EEFSEC: variants seen among roughly 807,000 people sequenced by gnomAD.
EEFSEC encodes selenocysteine-specific elongation factor.
EEFSEC carries 43 observed loss-of-function variants against 42.1 expected under a neutral mutation model. That is an observed-to-expected ratio of 1.02 (90% CI 0.80 to 1.32). The LOEUF is 1.32. EEFSEC is among the 40% of genes most tolerant of loss of function. The pLI, the probability that EEFSEC is intolerant of heterozygous loss-of-function variation, is 0.00. For missense variants in EEFSEC, 745 were observed against 803.6 expected (o/e 0.93, Z 0.88); for synonymous variants, 354 against 339.1 (o/e 1.04, Z -0.48).
intron 6 of EEFSEC, among the ~76,000 whole-genome samples, chr3:128,386,254 T>C (rs2067836520): frequency 6.6e-6 from 1 of 152,152 alleles, no homozygotes; most frequent in South Asian, 2.1e-4. Context: ...GCATGAAATC[T>C]ACCCCAGGGA....
intron 6 of EEFSEC, among the ~76,000 whole-genome samples, chr3:128,371,554 G>A (rs1490765626): frequency 6.6e-6 from 1 of 152,188 alleles, no homozygotes; most frequent in Admixed American, 6.5e-5. Flanking sequence ...TGGTTGGTGT[G>A]CAGGGAGGAA....
chr3:128,421,116 C>T, the EEFSEC span, among the ~76,000 whole-genome samples: 1 of 152,114 alleles, frequency 6.6e-6, no homozygotes. Flanking sequence ...CCCACCTTGT[C>T]CCCGGGGCCT....
intron 1 of EEFSEC, among the ~76,000 whole-genome samples, chr3:128,205,162 C>T (rs560338917): frequency 1.3e-5 from 2 of 152,202 alleles, no homozygotes; most frequent in South Asian, 4.2e-4. Context: ...TTCAGTTATC[C>T]CCTTGTTTAA....
At chr3:128,199,126 C>A (rs1023976447) in intron 1 of EEFSEC, among the ~76,000 whole-genome samples, 11 of 152,226 alleles carry the variant, frequency 7.2e-5, no homozygotes, top group Admixed American at 3.3e-4. Flanking sequence ...GCTACCACAC[C>A]TGGCCTGTGT....
intron 1 of EEFSEC, among the ~76,000 whole-genome samples, chr3:128,186,437 A>G (rs1342626994): frequency 6.6e-6 from 1 of 152,200 alleles, no homozygotes; most frequent in Non-Finnish European, 1.5e-5. Flanking sequence ...GAAACATTCA[A>G]GTTTATTTAT....
At chr3:128,414,837 G>A in the EEFSEC span, among the ~76,000 whole-genome samples, 6,571 of 152,204 alleles carry the variant, frequency 0.043, 481 homozygotes, top group African/African-American at 0.15. Flanking sequence ...GCCCAGGCTC[G>A]GGCAAGAGGG....
At chr3:128,358,706 TGGA>T (rs541833455) in intron 6 of EEFSEC, among the ~76,000 whole-genome samples, 192 of 152,290 alleles carry the variant, frequency 1.3e-3, no homozygotes, top group Middle Eastern at 3.4e-3. Context: ...ACAGGCAGTT[TGGA>T]GAAGAGCAGG....
At chr3:128,203,957 A>G (rs1001863126) in intron 1 of EEFSEC, among the ~76,000 whole-genome samples, 15 of 152,248 alleles carry the variant, frequency 9.9e-5, no homozygotes, top group Non-Finnish European at 2.2e-4. Flanking sequence ...TTATAGGAGT[A>G]TTGTATTAGA....
intron 6 of EEFSEC, among the ~76,000 whole-genome samples, chr3:128,393,894 G>A (rs1234937299): frequency 6.6e-6 from 1 of 152,166 alleles, no homozygotes; most frequent in Non-Finnish European, 1.5e-5. Context: ...GGGCATTGGG[G>A]ACCCATTTGG....
intron 4 of EEFSEC, among the ~76,000 whole-genome samples, chr3:128,319,284 G>A (rs564882336): frequency 8.5e-5 from 13 of 152,302 alleles, no homozygotes; most frequent in Admixed American, 2.6e-4. Flanking sequence ...GGGGACAGCA[G>A]GCTTCAGAGG....
chr3:128,364,564 G>A (rs1051508917), intron 6 of EEFSEC, among the ~76,000 whole-genome samples: 2 of 152,218 alleles, frequency 1.3e-5, no homozygotes, highest in Non-Finnish European at 2.9e-5. Flanking sequence ...CGGGAACCTG[G>A]CCCTCATACC....
chr3:128,307,358 G>A (rs1255905818), intron 4 of EEFSEC, among the ~76,000 whole-genome samples: 2 of 152,194 alleles, frequency 1.3e-5, no homozygotes, highest in African/African-American at 2.4e-5. Flanking sequence ...GTTTATTGTT[G>A]GGGGTGGAGA....
chr3:128,384,783 TTCCTCACTGACTCC>T (rs984348376), intron 6 of EEFSEC, among the ~76,000 whole-genome samples: 1 of 152,160 alleles, frequency 6.6e-6, no homozygotes, highest in Non-Finnish European at 1.5e-5. Flanking sequence ...GCACAGGGGT[TTCCTCACTGACTCC>T]TCCTCACTGT....
At chr3:128,326,213 A>G (rs754269167) in intron 4 of EEFSEC, among the ~76,000 whole-genome samples, 6 of 152,198 alleles carry the variant, frequency 3.9e-5, no homozygotes, top group Non-Finnish European at 8.8e-5. Context: ...TACAAAATAT[A>G]TTGGTGTCTT....
chr3:128,266,628 C>T (rs927900741), intron 4 of EEFSEC, among the ~76,000 whole-genome samples: 1 of 150,700 alleles, frequency 6.6e-6, no homozygotes, highest in Non-Finnish European at 1.5e-5. Flanking sequence ...TGGGAGGAGT[C>T]GAATGGCAGG....
At chr3:128,207,812 A>G (rs2065714460) in intron 1 of EEFSEC, among the ~76,000 whole-genome samples, 1 of 152,136 alleles carries the variant, frequency 6.6e-6, no homozygotes, top group Non-Finnish European at 1.5e-5. Context: ...ATCTCTGTTA[A>G]TAATCACGGA....
chr3:128,157,348 G>T (rs1024220266), intron 1 of EEFSEC, among the ~76,000 whole-genome samples: 1 of 152,228 alleles, frequency 6.6e-6, no homozygotes, highest in Non-Finnish European at 1.5e-5. Flanking sequence ...GCTGCAGCAA[G>T]TTATCCAGGA....
At chr3:128,263,165 A>T (rs533995667) in intron 3 of EEFSEC, among the ~76,000 whole-genome samples, 6 of 152,344 alleles carry the variant, frequency 3.9e-5, no homozygotes, top group African/African-American at 1.4e-4. Flanking sequence ...AGTTCTTTAC[A>T]TACAGGATCA....
the EEFSEC span, among the ~76,000 whole-genome samples, chr3:128,418,427 G>A: frequency 1.3e-5 from 2 of 151,488 alleles, no homozygotes; most frequent in African/African-American, 4.9e-5. Flanking sequence ...ACCACCCCAT[G>A]CCCACACCAG....
Sources: gnomAD v4.1 joint callset for allele counts (sites outside exome capture counted in the v4.1 genomes callset) on GRCh38, gnomAD v4.1.1 for gene constraint, MANE v1.5 for transcripts, NCBI Gene and HGNC (gene_info 2026-07-23, HGNC 2026-07-21) for gene names.